GALNT18: variants seen among roughly 807,000 people sequenced by gnomAD.
GALNT18 encodes the protein GalNAc-transferase 18.
A neutral mutation model predicts 69.5 loss-of-function variants in GALNT18; 44 were observed. That is an observed-to-expected ratio of 0.63 (90% CI 0.50 to 0.81). The LOEUF (loss-of-function observed/expected upper bound fraction) is 0.81. Ranked by LOEUF, GALNT18 falls within the 40% of genes least tolerant of loss-of-function variation. The pLI is 0.00. For synonymous variants in GALNT18, 364 were observed against 318.2 expected (o/e 1.14, Z -1.53); for missense variants, 715 against 810.0 (o/e 0.88, Z 1.42).
intron 9 of GALNT18, among the ~76,000 whole-genome samples, chr11:11,297,422 C>T (rs72861828): frequency 1.8e-4 from 27 of 152,234 alleles, no homozygotes; most frequent in South Asian, 1.0e-3. Flanking sequence ...TTTCCAAAGT[C>T]GCACGGTTGG....
At chr11:11,506,381 A>G (rs574401667) in intron 1 of GALNT18, among the ~76,000 whole-genome samples, 1 of 152,328 alleles carries the variant, frequency 6.6e-6, no homozygotes, top group South Asian at 2.1e-4. Context: ...CAGACCCAGG[A>G]TAGTCAGGCA....
intron 1 of GALNT18, among the ~76,000 whole-genome samples, chr11:11,486,933 T>C (rs1165493200): frequency 1.3e-5 from 2 of 152,224 alleles, no homozygotes; most frequent in Non-Finnish European, 2.9e-5. Flanking sequence ...CCCTCACCAC[T>C]TGACCTGGTA....
chr11:11,513,243 T>G (rs904043352), intron 1 of GALNT18, among the ~76,000 whole-genome samples: 3 of 152,184 alleles, frequency 2.0e-5, no homozygotes, highest in Non-Finnish European at 4.4e-5. Flanking sequence ...TTCTGTAATA[T>G]GGGAATCATA....
intron 1 of GALNT18, among the ~76,000 whole-genome samples, chr11:11,537,840 C>T (rs371808858): frequency 7.2e-5 from 11 of 152,174 alleles, no homozygotes; most frequent in East Asian, 5.8e-4. Context: ...GTTTGGAATT[C>T]TCTGCCCTAA....
At chr11:11,362,007 A>C (rs148679571) in intron 6 of GALNT18, among the ~76,000 whole-genome samples, 5 of 152,330 alleles carry the variant, frequency 3.3e-5, no homozygotes, top group Non-Finnish European at 5.9e-5. Flanking sequence ...CAAAATAGAA[A>C]ATCCAGAAAC....
Position 11,482,145 on chromosome 11 carries a change from G to A in GALNT18, c.236-33209C>T, listed in dbSNP as rs964787948. On this transcript the variant is annotated intron_variant, in intron 1 of 10. Coordinates refer to ENST00000227756, the MANE Select transcript of GALNT18 (RefSeq NM_198516.3). ...TAACATGCAGCTCCTGGACTGCATG[G>A]AGCTAGTTCCACTGGGGCCTTTGGT... 3.3e-5 allele frequency among the ~76,000 whole-genome samples: 5 copies of A among 152,336 alleles called. No individual in the cohort carries two copies. The South Asian group carries it at 1.0e-3, about 32-fold the overall frequency.
intron 1 of GALNT18, among the ~76,000 whole-genome samples, chr11:11,567,067 T>C (rs575202688): frequency 6.6e-6 from 1 of 152,216 alleles, no homozygotes; most frequent in Non-Finnish European, 1.5e-5. Context: ...TCAGAAGCTA[T>C]GGAAGAACAA....
At position 11,619,338 on chromosome 11, in the gene GALNT18, T is replaced by C. The variant is rs182668376; in HGVS notation, c.235+2021A>G. 8.5e-4 allele frequency among the ~76,000 whole-genome samples: 129 copies of C among 152,302 alleles called. No individual in the cohort carries two copies. Among genetic ancestry groups the C allele is most frequent in the African/African-American group, 3.0e-3 (126 of 41,560 alleles). On this transcript the variant is annotated intron_variant, in intron 1 of 10. Coordinates refer to ENST00000227756, the MANE Select transcript of GALNT18 (RefSeq NM_198516.3). This position sits in a 1 kb window ranked among gnomAD's most constrained non-coding sequence, Gnocchi z 4.9. ...CCTATCTTCTCCAATTTTTCAGGTA[T>C]AGATTTGAAAGTGCTGAACAACACA...
chr11:11,585,773 T>G (rs990099449), intron 1 of GALNT18, among the ~76,000 whole-genome samples: 9 of 148,756 alleles, frequency 6.1e-5, no homozygotes, highest in African/African-American at 2.0e-4. Flanking sequence ...TTTGTGAAAA[T>G]AGAAAACAAG....
At chr11:11,284,930 T>TTTTTTTTTTTTTA (rs1554909662) in intron 10 of GALNT18, among the ~76,000 whole-genome samples, 38 of 134,712 alleles carry the variant, frequency 2.8e-4, no homozygotes, top group African/African-American at 8.9e-4. Context: ...TTTTTTTTTT[T>TTTTTTTTTTTTTA]AACTACTTGG....
chr11:11,285,187 TCCA>T (rs1236448927), intron 10 of GALNT18, among the ~76,000 whole-genome samples: 1 of 152,038 alleles, frequency 6.6e-6, no homozygotes, highest in Non-Finnish European at 1.5e-5. Context: ...ATTGCAGCGA[TCCA>T]CTGGTTTTCC....
rs1019087428 is a variant in GALNT18 at position 11,396,762 on chromosome 11, C to T, written c.596-17498G>A. ...CTCTAATCTGCAGTTGATGCTCTGA[C>T]CAGATGGAGGGAGAGAGAGGCTGTA... On this transcript the variant is annotated intron_variant, in intron 3 of 10. Coordinates refer to ENST00000227756, the MANE Select transcript of GALNT18 (RefSeq NM_198516.3). This position sits in a 1 kb window ranked among gnomAD's most constrained non-coding sequence, Gnocchi z 5.2. Among the ~76,000 whole-genome samples the T allele has an allele frequency of 1.3e-5, 2 of 152,096 alleles. No individual in the cohort carries two copies. The highest frequency in any genetic ancestry group is 4.8e-5 in the African/African-American group (2 of 41,418).
rs1275362820 is a variant in GALNT18 at position 11,602,438 on chromosome 11, G to C, written c.235+18921C>G. Among the ~76,000 whole-genome samples, 1 of 152,148 alleles carries C rather than the reference G, an allele frequency of 6.6e-6. No individual in the cohort carries two copies. The highest frequency in any genetic ancestry group is 1.5e-5 in the Non-Finnish European group (1 of 68,032). ...CTTCTGGGAGAGAAATATAGCCCTA[G>C]AGTGGAAGTTGTGGGAAAGCAGCAC... On this transcript the variant is annotated intron_variant, in intron 1 of 10. Coordinates refer to ENST00000227756, the MANE Select transcript of GALNT18 (RefSeq NM_198516.3). The surrounding 1 kb of genome is among the most constrained non-coding windows in gnomAD (Gnocchi z 4.7).
At chr11:11,305,704 T>A (rs2133022298) in intron 9 of GALNT18, among the ~76,000 whole-genome samples, 1 of 152,292 alleles carries the variant, frequency 6.6e-6, no homozygotes, top group African/African-American at 2.4e-5. Context: ...TAGAAGGATT[T>A]GTGCTTGGTG....
chr11:11,495,299 C>T (rs1856847311), intron 1 of GALNT18, among the ~76,000 whole-genome samples: 1 of 152,152 alleles, frequency 6.6e-6, no homozygotes, highest in Admixed American at 6.5e-5. Context: ...ATGTTTCTTT[C>T]CGAAGGTACT....
chr11:11,390,877 C>G (rs1272548502), intron 3 of GALNT18, among the ~76,000 whole-genome samples: 1 of 152,172 alleles, frequency 6.6e-6, no homozygotes. Flanking sequence ...TGCCATTTAC[C>G]TTGACTTTGG....
At position 11,583,735 on chromosome 11, in the gene GALNT18, T is replaced by A. The variant is rs1469133540; in HGVS notation, c.235+37624A>T. 6.6e-6 allele frequency among the ~76,000 whole-genome samples: 1 copy of A among 152,156 alleles called. No homozygotes were observed. The highest frequency in any genetic ancestry group is 1.9e-4 in the East Asian group (1 of 5,182). On this transcript the variant is annotated intron_variant, in intron 1 of 10. Transcript: ENST00000227756. This position sits in a 1 kb window ranked among gnomAD's most constrained non-coding sequence, Gnocchi z 4.7. The stretch of plus-strand genomic sequence containing the variant: ...GTGGTCAGGGAAAATGCTTAAAGCT[T>A]CAGCTCCTTTCAGAAAAGCAAAAAT...
At chr11:11,300,074 T>C (rs1849468082) in intron 9 of GALNT18, among the ~76,000 whole-genome samples, 1 of 152,110 alleles carries the variant, frequency 6.6e-6, no homozygotes, top group African/African-American at 2.4e-5. Flanking sequence ...ATTGGGAAAA[T>C]AGGGTTAGTT....
intron 1 of GALNT18, among the ~76,000 whole-genome samples, chr11:11,474,323 G>A (rs1399313123): frequency 6.6e-6 from 1 of 152,176 alleles, no homozygotes; most frequent in Non-Finnish European, 1.5e-5. Flanking sequence ...AACTCAGGGG[G>A]CTCAAAGAAC....
Sources: gnomAD v4.1 joint callset for allele counts (sites outside exome capture counted in the v4.1 genomes callset) on GRCh38, gnomAD v4.1.1 for gene constraint, Gnocchi (gnomAD v3.1) non-coding constraint, MANE v1.5 for transcripts, NCBI Gene and HGNC (gene_info 2026-07-23, HGNC 2026-07-21) for gene names.